IGSF5: variants seen among roughly 807,000 people sequenced by gnomAD.
IGSF5 encodes immunoglobulin superfamily member 5, also known as immunoglobulin superfamily 5 like.
Under a neutral mutation model 39.4 loss-of-function variants are expected in IGSF5, and 41 were observed. The ratio of observed to expected loss-of-function variants is 1.04; its 90% confidence interval spans 0.81 to 1.35. The LOEUF is 1.35. Ranked by LOEUF, IGSF5 falls within the 40% of genes most tolerant of loss-of-function variation. The probability of loss-of-function intolerance (pLI) is 0.00; values close to 1 mark genes in which losing one functional copy is unlikely to be tolerated. For missense variants in IGSF5, 487 were observed against 494.6 expected, an observed-to-expected ratio of 0.98 and a Z score of 0.15; for synonymous variants, 183 against 175.3, an observed-to-expected ratio of 1.04 and a Z score of -0.34.
At chr21:39,749,332 C>T (rs1160598521) in intron 2 of IGSF5, among the ~76,000 whole-genome samples, 1 of 151,982 alleles carries the variant, frequency 6.6e-6, no homozygotes, top group East Asian at 1.9e-4. Context: ...CCTGCCTCAG[C>T]CTCCCGAGTA....
the IGSF5 span, among the ~76,000 whole-genome samples, chr21:39,736,344 T>C: frequency 6.6e-6 from 1 of 152,234 alleles, no homozygotes; most frequent in African/African-American, 2.4e-5. Flanking sequence ...ATCTAAACTT[T>C]GTGATTTTAA....
At chr21:39,745,576 C>A in intron 1 of IGSF5, 50 bp downstream of exon 1, 1 of 715,174 alleles carries the variant, frequency 1.4e-6, no homozygotes, top group South Asian at 1.5e-5. Flanking sequence ...CTGGCTGAGC[C>A]ATGATCTCAA....
chr21:39,728,827 C>G, the IGSF5 span, among the ~76,000 whole-genome samples: 31 of 152,036 alleles, frequency 2.0e-4, no homozygotes, highest in South Asian at 4.2e-4. Context: ...TATTATGTGC[C>G]TGGCACTTTA....
chr21:39,716,386 T>A, the IGSF5 span, among the ~76,000 whole-genome samples: 43 of 152,194 alleles, frequency 2.8e-4, no homozygotes, highest in African/African-American at 9.9e-4. Context: ...CATGTGAAGG[T>A]TTTTTACGTA....
At chr21:39,764,097 C>T (rs2146278778) in intron 2 of IGSF5, among the ~76,000 whole-genome samples, 1 of 152,244 alleles carries the variant, frequency 6.6e-6, no homozygotes, top group South Asian at 2.1e-4. Flanking sequence ...TTCTGCCTCT[C>T]CCGGGACCTA....
intron 2 of IGSF5, among the ~76,000 whole-genome samples, chr21:39,747,443 TG>T (rs35478072): frequency 0.82 from 124,408 of 152,048 alleles, 51,081 homozygotes; most frequent in Admixed American, 0.86. Context: ...CCACATGGCC[TG>T]GGGGGTTCCA....
At chr21:39,757,815 G>A (rs7282589) in intron 2 of IGSF5, among the ~76,000 whole-genome samples, 124,164 of 152,064 alleles carry the variant, frequency 0.82, 50,873 homozygotes, top group Admixed American at 0.86. Context: ...GACCTCAAAC[G>A]ATCCACCTGC....
the IGSF5 span, among the ~76,000 whole-genome samples, chr21:39,715,049 TTTTC>T: frequency 1.1e-4 from 8 of 70,358 alleles, no homozygotes; most frequent in African/African-American, 2.9e-4. Flanking sequence ...TTTCCTTTCC[TTTTC>T]TTTCTTTCGT....
At chr21:39,794,852 C>T (rs1050531042) in intron 8 of IGSF5, among the ~76,000 whole-genome samples, 1 of 152,090 alleles carries the variant, frequency 6.6e-6, no homozygotes, top group East Asian at 1.9e-4. Flanking sequence ...AGGTATTTAC[C>T]TGAGTTTCCA....
chr21:39,797,321 C>T (rs1355200307), intron 8 of IGSF5, among the ~76,000 whole-genome samples: 1 of 148,502 alleles, frequency 6.7e-6, no homozygotes, highest in African/African-American at 2.5e-5. Context: ...CAGGTTCAAG[C>T]GATTCTCCTG....
intron 3 of IGSF5, among the ~76,000 whole-genome samples, chr21:39,770,419 C>T (rs2146282387): frequency 6.6e-6 from 1 of 152,186 alleles, no homozygotes; most frequent in Non-Finnish European, 1.5e-5. Context: ...GACCATATGA[C>T]CCTAGAAATA....
At chr21:39,777,022 C>T (rs2146285873) in intron 4 of IGSF5, among the ~76,000 whole-genome samples, 1 of 152,326 alleles carries the variant, frequency 6.6e-6, no homozygotes, top group Non-Finnish European at 1.5e-5. Flanking sequence ...CCTGAACAGC[C>T]TGGTGGGACA....
the IGSF5 span, among the ~76,000 whole-genome samples, chr21:39,734,511 G>C: frequency 6.8e-6 from 1 of 146,194 alleles, no homozygotes; most frequent in Non-Finnish European, 1.5e-5. Flanking sequence ...GAATAGTTTT[G>C]TTGCCCTAAA....
chr21:39,736,774 A>G, the IGSF5 span, among the ~76,000 whole-genome samples: 1 of 152,192 alleles, frequency 6.6e-6, no homozygotes, highest in African/African-American at 2.4e-5. Context: ...AACATCTTCC[A>G]GAAGCTCTAA....
the IGSF5 span, among the ~76,000 whole-genome samples, chr21:39,717,607 G>A: frequency 2.0e-5 from 3 of 152,062 alleles, no homozygotes; most frequent in Non-Finnish European, 4.4e-5. Flanking sequence ...AGTCTTTTCC[G>A]CATTGCTTGC....
At chr21:39,714,464 G>T in the IGSF5 span, among the ~76,000 whole-genome samples, 3 of 152,208 alleles carry the variant, frequency 2.0e-5, no homozygotes, top group Non-Finnish European at 4.4e-5. Context: ...TATACATGGT[G>T]TATTTGTTTA....
At chr21:39,737,161 A>T in the IGSF5 span, among the ~76,000 whole-genome samples, 1 of 151,664 alleles carries the variant, frequency 6.6e-6, no homozygotes, top group African/African-American at 2.4e-5. Flanking sequence ...AAGGGAAAAA[A>T]ATATTTCCTC....
intron 4 of IGSF5, 121 bp downstream of exon 4, chr21:39,771,336 G>T: frequency 1.2e-6 from 1 of 817,576 alleles, no homozygotes; most frequent in Non-Finnish European, 1.8e-6. Context: ...ATTTTGGGTG[G>T]GGATGATAAG....
chr21:39,724,224 A>G, the IGSF5 span, among the ~76,000 whole-genome samples: 2 of 152,232 alleles, frequency 1.3e-5, no homozygotes, highest in African/African-American at 4.8e-5. Context: ...TCCTCTTTAT[A>G]TGAGTACTTT....
Sources: gnomAD v4.1 joint callset for allele counts (sites outside exome capture counted in the v4.1 genomes callset) on GRCh38, gnomAD v4.1.1 for gene constraint, MANE v1.5 for transcripts, NCBI Gene and HGNC (gene_info 2026-07-23, HGNC 2026-07-21) for gene names.